The following PPP3CC variants were observed in gnomAD, a reference collection of about 807,000 sequenced individuals.
PPP3CC encodes the protein protein phosphatase 3 catalytic subunit gamma.
A neutral mutation model predicts 60.3 loss-of-function variants in PPP3CC; 35 were observed. The ratio of observed to expected loss-of-function variants is 0.58; its 90% confidence interval spans 0.44 to 0.77. PPP3CC has a LOEUF of 0.77. Ranked by LOEUF, PPP3CC falls within the 30% of genes least tolerant of loss-of-function variation. The pLI is 0.00. For missense variants in PPP3CC, 570 were observed against 628.9 expected (o/e 0.91, Z 1.00); for synonymous variants, 206 against 224.3 (o/e 0.92, Z 0.73).
At chr8:22,448,938 T>C (rs1836920639) in intron 1 of PPP3CC, among the ~76,000 whole-genome samples, 1 of 152,148 alleles carries the variant, frequency 6.6e-6, no homozygotes, top group African/African-American at 2.4e-5. Context: ...TAGATTTCAG[T>C]TTTTCAAAAT....
chr8:22,514,108 T>C (rs1217669179), intron 6 of PPP3CC, among the ~76,000 whole-genome samples: 1 of 151,988 alleles, frequency 6.6e-6, no homozygotes, highest in African/African-American at 2.4e-5. Flanking sequence ...TAGCCAGATG[T>C]GGTGGCAACA....
intron 1 of PPP3CC, among the ~76,000 whole-genome samples, chr8:22,453,664 A>C (rs1287583363): frequency 6.6e-6 from 1 of 152,160 alleles, no homozygotes; most frequent in Non-Finnish European, 1.5e-5. Context: ...ACAAACCTAG[A>C]TGTTATATAT....
At chr8:22,476,707 C>T (rs552258293) in intron 3 of PPP3CC, among the ~76,000 whole-genome samples, 1 of 151,642 alleles carries the variant, frequency 6.6e-6, no homozygotes, top group South Asian at 2.1e-4. Flanking sequence ...CCGAGGCAGG[C>T]AGATTACGAA....
chr8:22,464,454 A>G (rs1364538272), intron 1 of PPP3CC, among the ~76,000 whole-genome samples: 1 of 152,114 alleles, frequency 6.6e-6, no homozygotes, highest in African/African-American at 2.4e-5. Context: ...ATCATAGCTC[A>G]CTGCAGCCTC....
chr8:22,441,435 C>G lies in PPP3CC; in HGVS notation c.26C>G (p.Ser9Cys), dbSNP rs868229086. The G allele has an allele frequency of 6.5e-7, 1 of 1,547,254 alleles. No homozygotes were observed. The highest frequency in any genetic ancestry group is 8.7e-7 in the Non-Finnish European group (1 of 1,146,588). Residue 9 changes from serine to cysteine, a missense_variant, in exon 1 of 14, where the codon TCC becomes TGC. Coordinates refer to ENST00000240139, the MANE Select transcript of PPP3CC (RefSeq NM_005605.5). ...ATGTCCGGGAGGCGCTTCCACCTCT[C>G]CACCACCGACCGCGTCATCAAAGGT... MSGRRFHL[S>C]TTDRVIKAVP...
chr8:22,479,743 CAA>C (rs76119074), intron 3 of PPP3CC, among the ~76,000 whole-genome samples: 14 of 54,182 alleles, frequency 2.6e-4, no homozygotes, highest in Admixed American at 4.1e-4. Flanking sequence ...GACTCTGTCT[CAA>C]AAAAAAAAAA....
intron 1 of PPP3CC, among the ~76,000 whole-genome samples, chr8:22,457,579 A>G (rs1397731478): frequency 6.6e-6 from 1 of 150,630 alleles, no homozygotes; most frequent in African/African-American, 2.4e-5. Context: ...AAGTTCTGGA[A>G]TTACAGGCAT....
chr8:22,441,342 A>G lies in PPP3CC; in HGVS notation c.-68A>G. ...CGGGCAGCTAAGGCTGCCCGAGGAG[A>G]AGGCGGCGGCCGCGGCGTAGGCGCA... On this transcript the variant is annotated 5_prime_UTR_variant, in exon 1 of 14. Coordinates refer to ENST00000240139, the MANE Select transcript of PPP3CC (RefSeq NM_005605.5). The G allele has an allele frequency of 6.8e-7, 1 of 1,474,452 alleles. No individual in the cohort carries two copies. The highest frequency in any genetic ancestry group is 9.0e-7 in the Non-Finnish European group (1 of 1,106,846). The allele number at this position is 1,474,452 out of a possible 1,614,324, so 91.3% of individuals were successfully genotyped here.
At chr8:22,465,735 A>G (rs897768553) in intron 1 of PPP3CC, among the ~76,000 whole-genome samples, 4 of 152,206 alleles carry the variant, frequency 2.6e-5, no homozygotes, top group Non-Finnish European at 4.4e-5. Context: ...TATCCAGTCT[A>G]TAATATTTTG....
Position 22,539,578 on chromosome 8 carries a change from T to C in PPP3CC, c.1351+80T>C. 3 of 1,403,092 alleles carry C rather than the reference T, an allele frequency of 2.1e-6. No homozygotes were observed. The South Asian group carries it at 3.7e-5, about 17-fold the overall frequency. 86.9% of individuals were successfully genotyped at this position (1,403,092 alleles called of 1,614,324 possible). On this transcript the variant is annotated intron_variant, in intron 13 of 13. Coordinates refer to ENST00000240139, the MANE Select transcript of PPP3CC (RefSeq NM_005605.5). ...CGAAGCTTTATCAACATTTCAAATATTTTATTATTGCATCACCAGAACTAT... is the reference window on the plus strand; with the variant it reads ...CGAAGCTTTATCAACATTTCAAATACTTTATTATTGCATCACCAGAACTAT...
chr8:22,471,569 G>A (rs982093797), intron 1 of PPP3CC, among the ~76,000 whole-genome samples: 1 of 152,154 alleles, frequency 6.6e-6, no homozygotes, highest in African/African-American at 2.4e-5. Context: ...ACTGTAGGCA[G>A]TTATAACACA....
At chr8:22,536,306 C>T (rs1490069808) in intron 12 of PPP3CC, among the ~76,000 whole-genome samples, 2 of 152,066 alleles carry the variant, frequency 1.3e-5, no homozygotes, top group African/African-American at 4.8e-5. Context: ...GCAACTCTGA[C>T]AACAAAGATA....
In PPP3CC at chr8:22,441,205, G is replaced by T. The variant is rs1385347806; in HGVS notation, c.-205G>T. ...CTGGCGCCTCCCAAGAGAGCGGCCG[G>T]TGGGCCCTCGTCCTGTCAGTGGCGT... On this transcript the variant is annotated 5_prime_UTR_variant, in exon 1 of 14. Transcript: ENST00000240139. The T allele has an allele frequency of 6.9e-6, 3 of 437,938 alleles. No individual in the cohort carries two copies. The highest frequency in any genetic ancestry group is 1.2e-5 in the Non-Finnish European group (3 of 250,748). The allele number at this position is 437,938 out of a possible 1,614,324, so 27.1% of individuals were successfully genotyped here. A position where few individuals can be genotyped will look rare whatever the true frequency, so the allele number is the denominator to read the frequency against.
At chr8:22,503,591 T>G (rs1378680855) in intron 4 of PPP3CC, among the ~76,000 whole-genome samples, 1 of 152,206 alleles carries the variant, frequency 6.6e-6, no homozygotes, top group Non-Finnish European at 1.5e-5. Flanking sequence ...CATGAGATAT[T>G]TTGATACAGG....
At chr8:22,511,459 G>A (rs1166902028) in intron 5 of PPP3CC, among the ~76,000 whole-genome samples, 4 of 151,896 alleles carry the variant, frequency 2.6e-5, no homozygotes, top group Admixed American at 6.6e-5. Flanking sequence ...TAGTAGAGAC[G>A]GGGTTTCACC....
chr8:22,469,980 ATG>A (rs1167821612), intron 1 of PPP3CC, among the ~76,000 whole-genome samples: 3 of 140,504 alleles, frequency 2.1e-5, no homozygotes, highest in African/African-American at 5.4e-5. Flanking sequence ...ATATATATAT[ATG>A]TGATATATAA....
intron 3 of PPP3CC, among the ~76,000 whole-genome samples, chr8:22,487,777 C>G (rs965052789): frequency 1.3e-5 from 2 of 151,920 alleles, no homozygotes; most frequent in African/African-American, 4.8e-5. Context: ...CAGAAGCTGC[C>G]AAAGAGAAAA....
chr8:22,529,101 A>G (rs1205958498), intron 10 of PPP3CC, among the ~76,000 whole-genome samples: 2 of 152,226 alleles, frequency 1.3e-5, no homozygotes, highest in Non-Finnish European at 2.9e-5. Flanking sequence ...CTTATTTGCT[A>G]GTGTAGGGAG....
Position 22,527,522 on chromosome 8 carries a change from G to A in PPP3CC, c.1069+5G>A. ...TGCCTTTTGTTGGGGAAAAAGGTAA[G>A]AGAACTAAAGCACATGTCTCATCAG... On this transcript the variant is annotated splice_donor_5th_base_variant and intron_variant, in intron 9 of 13. Coordinates refer to ENST00000240139, the MANE Select transcript of PPP3CC (RefSeq NM_005605.5). The A allele has an allele frequency of 6.2e-7, 1 of 1,613,508 alleles. No individual in the cohort carries two copies. The highest frequency in any genetic ancestry group is 8.5e-7 in the Non-Finnish European group (1 of 1,179,868).
Sources: gnomAD v4.1 joint callset for allele counts (sites outside exome capture counted in the v4.1 genomes callset) on GRCh38, gnomAD v4.1.1 for gene constraint, MANE v1.5 for transcripts, NCBI Gene and HGNC (gene_info 2026-07-23, HGNC 2026-07-21) for gene names.